The following RANBP2 variants were observed in gnomAD, a reference collection of about 807,000 sequenced individuals.
The protein encoded by RANBP2 is RAN binding protein 2.
RANBP2 carries 57 observed loss-of-function variants against 303.6 expected under a neutral mutation model. The observed-to-expected ratio is 0.19, with a 90% CI of 0.15 to 0.23. RANBP2 has a LOEUF of 0.23. RANBP2 is among the 10% of genes least tolerant of loss of function. The pLI is 1.00. For synonymous variants in RANBP2, 1,167 were observed against 1,301.5 expected (o/e 0.90, Z 2.23); for missense variants, 3,138 against 3,780.8 (o/e 0.83, Z 4.46).
the RANBP2 span, chr2:109,348,006 G>C: frequency 2.0e-6 from 3 of 1,538,060 alleles, no homozygotes; most frequent in Non-Finnish European, 2.6e-6. Flanking sequence ...TGCCACCCAG[G>C]GCTCTTCCCA....
At chr2:109,544,977 A>G in the RANBP2 span, 2 of 985,432 alleles carry the variant, frequency 2.0e-6, no homozygotes, top group Non-Finnish European at 2.4e-6. Context: ...TAAGCCAATA[A>G]AATCTGCCAA....
At chr2:109,430,390 C>T in the RANBP2 span, among the ~76,000 whole-genome samples, 66 of 152,318 alleles carry the variant, frequency 4.3e-4, no homozygotes, top group African/African-American at 1.6e-3. Context: ...CCTCCCTGCA[C>T]TCTTCCTCTC....
the RANBP2 span, among the ~76,000 whole-genome samples, chr2:109,639,624 T>TA: frequency 2.0e-5 from 3 of 149,018 alleles, no homozygotes; most frequent in Non-Finnish European, 1.5e-5. Flanking sequence ...TTTCAAAAAA[T>TA]AAAAAATAAA....
chr2:109,243,626 G>A, the RANBP2 span, among the ~76,000 whole-genome samples: 103 of 152,270 alleles, frequency 6.8e-4, no homozygotes, highest in South Asian at 5.4e-3. Context: ...AAGAGATGGT[G>A]TCTAAACTGA....
the RANBP2 span, among the ~76,000 whole-genome samples, chr2:109,476,061 A>T: frequency 1.1e-3 from 167 of 152,336 alleles, no homozygotes; most frequent in African/African-American, 3.9e-3. Context: ...GCAGTACTGT[A>T]CGGTATGCTT....
chr2:109,392,424 C>T, the RANBP2 span, among the ~76,000 whole-genome samples: 1 of 152,136 alleles, frequency 6.6e-6, no homozygotes, highest in African/African-American at 2.4e-5. Context: ...TTGCTGTCAC[C>T]TCGTGGTGGA....
the RANBP2 span, among the ~76,000 whole-genome samples, chr2:109,703,293 T>C: frequency 6.6e-6 from 1 of 152,380 alleles, no homozygotes; most frequent in East Asian, 1.9e-4. Flanking sequence ...TATATTGCAT[T>C]CTGCCACTGA....
the RANBP2 span, among the ~76,000 whole-genome samples, chr2:109,224,540 G>A: frequency 2.0e-5 from 3 of 152,162 alleles, no homozygotes; most frequent in South Asian, 6.2e-4. Context: ...GAATGTGGCC[G>A]GCGTGGCTCA....
the RANBP2 span, among the ~76,000 whole-genome samples, chr2:109,300,718 T>C: frequency 6.6e-6 from 1 of 152,190 alleles, no homozygotes; most frequent in East Asian, 1.9e-4. Context: ...AACATCAGAC[T>C]GAGCACACTC....
the RANBP2 span, among the ~76,000 whole-genome samples, chr2:109,714,530 G>C: frequency 6.6e-6 from 1 of 152,076 alleles, no homozygotes. Flanking sequence ...TTGTTCTCTT[G>C]ACCTCGTAAT....
chr2:109,292,524 C>T, the RANBP2 span, among the ~76,000 whole-genome samples: 1,219 of 152,306 alleles, frequency 8.0e-3, 13 homozygotes, highest in East Asian at 0.037. Context: ...ACCTATCCGA[C>T]GTTTAGCTTG....
chr2:109,281,135 A>G, the RANBP2 span, among the ~76,000 whole-genome samples: 14 of 152,182 alleles, frequency 9.2e-5, no homozygotes, highest in African/African-American at 3.1e-4. Context: ...GTTGTCACCT[A>G]TGCCATAGGA....
At chr2:109,527,035 A>G in the RANBP2 span, among the ~76,000 whole-genome samples, 2 of 152,250 alleles carry the variant, frequency 1.3e-5, no homozygotes, top group Admixed American at 1.3e-4. Context: ...TGCTTGACCA[A>G]TTAAATGTCT....
At chr2:108,827,705 A>G in the RANBP2 span, among the ~76,000 whole-genome samples, 2 of 151,764 alleles carry the variant, frequency 1.3e-5, no homozygotes, top group African/African-American at 4.8e-5. Flanking sequence ...AGTCCCAGCT[A>G]CTCGGGAGGC....
chr2:109,724,513 C>T, the RANBP2 span, among the ~76,000 whole-genome samples: 1 of 152,114 alleles, frequency 6.6e-6, no homozygotes. Context: ...GTTATTTCAA[C>T]ATGGAAGGGG....
chr2:108,766,535 A>C lies in RANBP2; in HGVS notation c.5996A>C (p.Asp1999Ala). Residue 1999 changes from aspartate to alanine, a missense_variant, in exon 20 of 29, where the codon GAT (aspartate) becomes GCT (alanine). By Grantham distance (126) the Asp-to-Ala change is moderately radical. Transcript: ENST00000283195. ...AACACTTCCGGTGACTTTGAGAAAG[A>C]TGATGATGCCTATAAGACTGAGGAC... ...KANTSGDFEKDDDAYKTEDSD... is the reference protein window; with the variant it reads ...KANTSGDFEKADDAYKTEDSD... 1 of 1,611,970 alleles carries C rather than the reference A, an allele frequency of 6.2e-7. No homozygotes were observed.
chr2:109,078,096 A>ATATATATATATAGCGTG, the RANBP2 span, among the ~76,000 whole-genome samples: 37 of 54,632 alleles, frequency 6.8e-4, 2 homozygotes, highest in East Asian at 0.018. Context: ...ATATATATAT[A>ATATATATATATAGCGTG]TATATATATA....
chr2:108,749,653 A>G lies in RANBP2; in HGVS notation c.1273+524A>G, dbSNP rs4012062. ...GTCACCTGGGCTGGAGTGTAGTGGC[A>G]TGATCGTAGGTCACTGATACCTTGA... On this transcript the variant is annotated intron_variant, in intron 9 of 28. Transcript: ENST00000283195. Among the ~76,000 whole-genome samples, 486 of 152,254 alleles carry G rather than the reference A, an allele frequency of 3.2e-3. 4 individuals carry two copies. Among genetic ancestry groups the G allele is most frequent in the African/African-American group, 0.011 (471 of 41,552 alleles).
At chr2:108,759,762 C>T (rs1028807139) in intron 18 of RANBP2, among the ~76,000 whole-genome samples, 21 of 152,004 alleles carry the variant, frequency 1.4e-4, no homozygotes, top group African/African-American at 4.6e-4. Flanking sequence ...ATAAACAAAC[C>T]GGCTAGCCTT....
Sources: gnomAD v4.1 joint callset for allele counts (sites outside exome capture counted in the v4.1 genomes callset) on GRCh38, gnomAD v4.1.1 for gene constraint, MANE v1.5 for transcripts, NCBI Gene and HGNC (gene_info 2026-07-23, HGNC 2026-07-21) for gene names.